The following IL1R1 variants were observed in gnomAD, a reference collection of about 807,000 sequenced individuals.
IL1R1 encodes interleukin 1 receptor type 1, also known as interleukin-1 receptor type 1.
In IL1R1, 22 loss-of-function variants were observed where a neutral mutation model predicts 50.2. The ratio of observed to expected loss-of-function variants is 0.44; its 90% CI spans 0.31 to 0.63. IL1R1 has a LOEUF of 0.63. Among genes scored for constraint, IL1R1 ranks in the 20% least tolerant of loss-of-function variants. The pLI, the probability that IL1R1 is intolerant of heterozygous loss-of-function variation, is 0.07. For missense variants in IL1R1, 509 were observed against 676.2 expected, an observed-to-expected ratio of 0.75 and a Z score of 2.74; for synonymous variants, 251 against 236.7, an observed-to-expected ratio of 1.06 and a Z score of -0.55.
intron 1 of IL1R1, among the ~76,000 whole-genome samples, chr2:102,090,812 CT>C (rs1217144270): frequency 1.3e-5 from 2 of 151,718 alleles, no homozygotes; most frequent in Non-Finnish European, 2.9e-5. Context: ...CCATATTCTG[CT>C]TTTTTCTCTT....
intron 11 of IL1R1, 171 bp from the exon 12 acceptor site, chr2:102,176,182 G>A (rs1251472646): frequency 6.6e-6 from 4 of 604,758 alleles, no homozygotes; most frequent in African/African-American, 5.6e-5. Flanking sequence ...ACAAGAGACT[G>A]TCTCTTAAAA....
intron 2 of IL1R1, among the ~76,000 whole-genome samples, chr2:102,156,523 T>G (rs893099894): frequency 3.9e-5 from 6 of 152,110 alleles, no homozygotes; most frequent in Non-Finnish European, 8.8e-5. Flanking sequence ...ACACCTTTTT[T>G]TTTTTTGAGA....
At chr2:102,119,187 C>T (rs1226693559) in intron 1 of IL1R1, among the ~76,000 whole-genome samples, 1 of 152,120 alleles carries the variant, frequency 6.6e-6, no homozygotes, top group Non-Finnish European at 1.5e-5. Flanking sequence ...TTCATGCTGA[C>T]GTTAGGTGGT....
At chr2:102,072,568 C>T (rs367806105) in intron 1 of IL1R1, among the ~76,000 whole-genome samples, 13 of 152,144 alleles carry the variant, frequency 8.5e-5, no homozygotes, top group African/African-American at 1.4e-4. Flanking sequence ...ATGTTTTTCA[C>T]GTCTATTGGC....
At chr2:102,081,603 G>A (rs1401842626) in intron 1 of IL1R1, among the ~76,000 whole-genome samples, 1 of 152,216 alleles carries the variant, frequency 6.6e-6, no homozygotes, top group African/African-American at 2.4e-5. Context: ...ATCTATCAGT[G>A]AATATCCAGC....
At chr2:102,131,283 C>A (rs1286953661) in intron 1 of IL1R1, among the ~76,000 whole-genome samples, 1 of 152,088 alleles carries the variant, frequency 6.6e-6, no homozygotes, top group Non-Finnish European at 1.5e-5. Flanking sequence ...CAAATGCATC[C>A]TAAGACACAA....
At chr2:102,078,580 A>ACACACC in intron 1 of IL1R1, among the ~76,000 whole-genome samples, 1 of 148,100 alleles carries the variant, frequency 6.8e-6, no homozygotes, top group South Asian at 2.1e-4. Context: ...ACACACACAC[A>ACACACC]CACACACACA....
chr2:102,120,724 C>T (rs1217088483), intron 1 of IL1R1, among the ~76,000 whole-genome samples: 1 of 152,220 alleles, frequency 6.6e-6, no homozygotes, highest in Non-Finnish European at 1.5e-5. Flanking sequence ...ACACACTACA[C>T]AATCCCATTC....
intron 3 of IL1R1, among the ~76,000 whole-genome samples, chr2:102,161,774 A>G (rs1404328756): frequency 6.6e-6 from 1 of 151,998 alleles, no homozygotes. Flanking sequence ...ATCTCGGCTC[A>G]CAGCAACCTC....
upstream of IL1R1, among the ~76,000 whole-genome samples, chr2:102,138,695 G>T (rs1268051717): frequency 6.6e-6 from 1 of 152,188 alleles, no homozygotes; most frequent in Non-Finnish European, 1.5e-5. Flanking sequence ...AAAGTCAGCA[G>T]ATGGAAAATG....
intron 1 of IL1R1, among the ~76,000 whole-genome samples, chr2:102,072,490 C>G (rs1431180200): frequency 6.6e-6 from 1 of 152,154 alleles, no homozygotes; most frequent in Non-Finnish European, 1.5e-5. Context: ...ATCGTTTAGT[C>G]TCTACCAAAA....
At position 102,168,648 on chromosome 2, in the gene IL1R1, A is replaced by G; in HGVS notation, c.706A>G (p.Met236Val). The G allele has an allele frequency of 6.2e-7, 1 of 1,613,630 alleles. No individual in the cohort carries two copies. The highest frequency in any genetic ancestry group is 8.5e-7 in the Non-Finnish European group (1 of 1,179,702). The stretch of plus-strand genomic sequence containing the variant: ...GATTGTGAGCCCAGCTAATGAGACA[A>G]TGGAAGTAGACTTGGGTAAGTGGGC... ...PVIVSPANETMEVDLGSQIQL... is the reference protein window; with the variant it reads ...PVIVSPANETVEVDLGSQIQL... The change falls in exon 7 of 12, where the codon ATG becomes GTG. Residue 236 changes from methionine (M) to valine (V), a missense_variant. Physicochemically the swap from Met to Val is conservative, Grantham distance 21. Transcript: ENST00000410023.
upstream of IL1R1, among the ~76,000 whole-genome samples, chr2:102,141,002 A>C (rs1317112818): frequency 1.3e-5 from 2 of 152,258 alleles, no homozygotes; most frequent in Admixed American, 6.5e-5. Context: ...ACATGGTTGC[A>C]CAAATCAATT....
At chr2:102,101,063 C>T (rs1680119913), upstream of IL1R1, among the ~76,000 whole-genome samples, 2 of 152,142 alleles carry the variant, frequency 1.3e-5, no homozygotes, top group African/African-American at 4.8e-5. Context: ...TTTTGGAGAT[C>T]AGGTCAATTA....
At chr2:102,145,876 G>A (rs2104459748) in intron 1 of IL1R1, among the ~76,000 whole-genome samples, 1 of 152,310 alleles carries the variant, frequency 6.6e-6, no homozygotes, top group African/African-American at 2.4e-5. Context: ...AGCCAAGGTT[G>A]ACAACATAAA....
intron 9 of IL1R1, among the ~76,000 whole-genome samples, 168 bp from the exon 10 acceptor site, chr2:102,174,419 T>G (rs546063352): frequency 6.6e-6 from 1 of 152,354 alleles, no homozygotes; most frequent in South Asian, 2.1e-4. Flanking sequence ...GCTTTGTACA[T>G]TAGTATCCAT....
Position 102,135,220 on chromosome 2 carries a change from C to T in IL1R1, c.-83-18721C>T, listed in dbSNP as rs181895535. Among the ~76,000 whole-genome samples, 614 of 152,280 alleles carry T rather than the reference C, an allele frequency of 4.0e-3. 2 individuals carry two copies. The highest frequency in any genetic ancestry group is 6.9e-3 in the Non-Finnish European group (472 of 68,026). On this transcript the variant is annotated intron_variant, in intron 1 of 10. Transcript: ENST00000409329. ...CCTATGCCTGGGAACCACAGTGTTG[C>T]CTCTGCTGGATATCACTGTGGGGGC...
chr2:102,169,543 A>G (rs1298579948), intron 7 of IL1R1, among the ~76,000 whole-genome samples: 1 of 152,216 alleles, frequency 6.6e-6, no homozygotes, highest in Admixed American at 6.5e-5. Context: ...CAAGAGAGAA[A>G]AAGTGGTTCT....
At chr2:102,080,541 AC>A (rs1166920957) in intron 1 of IL1R1, among the ~76,000 whole-genome samples, 1 of 152,200 alleles carries the variant, frequency 6.6e-6, no homozygotes, top group Non-Finnish European at 1.5e-5. Context: ...CACTAGAATG[AC>A]GGGATGAAAG....
Sources: gnomAD v4.1 joint callset for allele counts (sites outside exome capture counted in the v4.1 genomes callset) on GRCh38, gnomAD v4.1.1 for gene constraint, MANE v1.5 for transcripts, NCBI Gene and HGNC (gene_info 2026-07-23, HGNC 2026-07-21) for gene names.